The following KANSL3 variants were observed in gnomAD, a reference collection of about 807,000 sequenced individuals.
The protein encoded by KANSL3 is KAT8 regulatory NSL complex subunit 3, also known as NSL complex protein NSL3.
Under a neutral mutation model 89.2 loss-of-function variants are expected in KANSL3, and 16 were observed. The observed-to-expected ratio is 0.18, with a 90% confidence interval of 0.12 to 0.27. The LOEUF (loss-of-function observed/expected upper bound fraction) is 0.27. KANSL3 is among the 10% of genes least tolerant of loss of function. The probability of loss-of-function intolerance (pLI) is 1.00; values close to 1 mark genes in which losing one functional copy is unlikely to be tolerated. For missense variants in KANSL3, 879 were observed against 1,110.6 expected (o/e 0.79, Z 2.96); for synonymous variants, 385 against 419.7 (o/e 0.92, Z 1.01).
chr2:96,609,584 A>G lies in KANSL3; in HGVS notation c.1320-22T>C, dbSNP rs746862441. 1.0e-5 allele frequency: 16 copies of G among 1,596,314 alleles called. No homozygotes were observed. In the Admixed American group the frequency reaches 2.3e-4, roughly 23 times the overall value. ...TATTCTAAGAAACAAAAAGGATGAC[A>G]TGTTTACTTCTTACACATTGCACGG... On this transcript the variant is annotated intron_variant, in intron 11 of 20. Transcript: ENST00000431828.
intron 17 of KANSL3, chr2:96,603,186 T>C (rs2067435115): frequency 4.3e-6 from 1 of 232,014 alleles, no homozygotes; most frequent in Non-Finnish European, 8.4e-6. Context: ...AAAAGAATTA[T>C]AAATATCCAA....
intron 3 of KANSL3, among the ~76,000 whole-genome samples, chr2:96,623,304 T>C (rs997815722): frequency 6.6e-6 from 1 of 152,224 alleles, no homozygotes; most frequent in Non-Finnish European, 1.5e-5. Flanking sequence ...TCTTTCGCCA[T>C]ACCAAGACAG....
intron 12 of KANSL3, 127 bp from the exon 13 acceptor site, chr2:96,609,191 A>G: frequency 1.1e-6 from 1 of 884,580 alleles, no homozygotes; most frequent in South Asian, 1.7e-5. Context: ...GTCCTTCCCC[A>G]CTCAAACAAG....
the KANSL3 span, among the ~76,000 whole-genome samples, chr2:96,585,447 G>C: frequency 6.6e-6 from 1 of 152,096 alleles, no homozygotes; most frequent in Non-Finnish European, 1.5e-5. Context: ...CTGCGAGAAT[G>C]GCCATAACTA....
chr2:96,586,597 A>C, the KANSL3 span, among the ~76,000 whole-genome samples: 1 of 152,048 alleles, frequency 6.6e-6, no homozygotes, highest in South Asian at 2.1e-4. Flanking sequence ...TTTTTATTTC[A>C]TTTTCCTTTC....
At chr2:96,623,477 G>A (rs2071695943) in intron 3 of KANSL3, among the ~76,000 whole-genome samples, 2 of 152,174 alleles carry the variant, frequency 1.3e-5, no homozygotes, top group South Asian at 2.1e-4. Flanking sequence ...GTATGCAGAT[G>A]GAGGACAAAT....
chr2:96,615,165 CAAA>C (rs35960339), intron 5 of KANSL3: 28,030 of 83,292 alleles, frequency 0.34, 2,601 homozygotes, highest in Middle Eastern at 0.36. Flanking sequence ...GAGACTGTCT[CAAA>C]AAAAAAAAAA....
chr2:96,631,409 G>A lies in KANSL3; in HGVS notation c.289C>T (p.Arg97Cys), dbSNP rs752272979. 10 of 1,604,598 alleles carry A rather than the reference G, an allele frequency of 6.2e-6. No individual in the cohort carries two copies. In the African/African-American group the frequency reaches 1.1e-4, roughly 17 times the overall value. ...CGTTCACACTCATTCATCACGCTGC[G>A]TGCCTTCTGATTGTCATAGAGTGGC... The part of the protein sequence containing the change: ...PMPLYDNQKA[R>C]SVMNECERHV... Residue 97 changes from arginine (R) to cysteine (C), a missense_variant, in exon 3 of 21, where the codon CGC (arginine) becomes TGC (cysteine). By Grantham distance (180) the Arg-to-Cys change is radical. This residue lies in a region of KANSL3 where 210 missense variants were observed against 311.9 expected (regional missense o/e 0.67). Transcript: ENST00000431828.
chr2:96,634,585 C>G (rs1261107218), intron 2 of KANSL3, among the ~76,000 whole-genome samples: 1 of 152,052 alleles, frequency 6.6e-6, no homozygotes, highest in African/African-American at 2.4e-5. Flanking sequence ...TGATACATTG[C>G]ACCAACTTTG....
intron 14 of KANSL3, chr2:96,605,795 T>C (rs1377691987): frequency 1.8e-5 from 4 of 227,120 alleles, no homozygotes; most frequent in Admixed American, 5.1e-5. Context: ...TTGGTAGGAA[T>C]TAAAAGACAG....
At position 96,631,407 on chromosome 2, in the gene KANSL3, G is replaced by C. The variant is rs754569639; in HGVS notation, c.291C>G (p.Arg97=). 6.2e-7 allele frequency: 1 copy of C among 1,605,782 alleles called. No homozygotes were observed. Among genetic ancestry groups the C allele is most frequent in the Non-Finnish European group, 8.5e-7 (1 of 1,176,010 alleles). The part of the protein sequence containing the change: ...PMPLYDNQKA[R]SVMNECERHV... Reference sequence around the variant, plus strand: ...GCCGTTCACACTCATTCATCACGCTGCGTGCCTTCTGATTGTCATAGAGTG... The same window carrying C: ...GCCGTTCACACTCATTCATCACGCTCCGTGCCTTCTGATTGTCATAGAGTG... Residue 97 remains arginine (R), a synonymous_variant, in exon 3 of 21, where the codon CGC becomes CGG. Transcript: ENST00000431828.
chr2:96,613,498 T>G lies in KANSL3; in HGVS notation c.785A>C (p.His262Pro). 1 of 1,613,444 alleles carries G rather than the reference T, an allele frequency of 6.2e-7. No individual in the cohort carries two copies. The highest frequency in any genetic ancestry group is 8.5e-7 in the Non-Finnish European group (1 of 1,179,580). Residue 262 changes from histidine (H) to proline (P), a missense_variant, in exon 6 of 21, where the codon CAT becomes CCT. Physicochemically the swap from His to Pro is moderately conservative, Grantham distance 77 (BLOSUM62 -2). Transcript: ENST00000431828. ...AGCCATCCAACTTACTGGTTTGTTA[T>G]GAGAAAGCACACCCACAGCAGGGTC... ...PWDPAVGVLS[H>P]NKPSKLPGSP...
At chr2:96,602,713 T>A (rs368958204) in intron 18 of KANSL3, 40 bp downstream of exon 18, 4 of 1,510,738 alleles carry the variant, frequency 2.6e-6, no homozygotes, top group African/African-American at 2.8e-5. Context: ...GGAGGCCTCC[T>A]CCCTACACCT....
At chr2:96,605,985 G>C (rs2067923138) in intron 14 of KANSL3, 1 of 153,030 alleles carries the variant, frequency 6.5e-6, no homozygotes, top group Admixed American at 6.5e-5. Flanking sequence ...ACTCATGGAG[G>C]AGCAGGTCAT....
chr2:96,581,248 AC>A, the KANSL3 span, among the ~76,000 whole-genome samples: 1 of 152,168 alleles, frequency 6.6e-6, no homozygotes, highest in African/African-American at 2.4e-5. Flanking sequence ...ACATGGTGAA[AC>A]CCCATCTCTA....
At chr2:96,631,075 C>A (rs1558778930) in intron 3 of KANSL3, among the ~76,000 whole-genome samples, 1 of 152,164 alleles carries the variant, frequency 6.6e-6, no homozygotes, top group Non-Finnish European at 1.5e-5. Context: ...ACATTATATG[C>A]CTACTGTGTG....
rs148268166 is a variant in KANSL3, at chr2:96,593,581, T to G, written c.*2030A>C. The G allele has an allele frequency of 3.7e-3, 1,167 of 317,270 alleles. 3 individuals are homozygous for G. The highest frequency in any genetic ancestry group is 5.1e-3 in the Admixed American group (129 of 25,098). The allele number at this position is 317,270 out of a possible 1,614,324, so 19.7% of individuals were successfully genotyped here. A position where few individuals can be genotyped will look rare whatever the true frequency, so the allele number is the denominator to read the frequency against. On this transcript the variant is annotated 3_prime_UTR_variant, in exon 21 of 21. Transcript: ENST00000431828. ...TCCACGTTCTCACAGCTCCCCTTCT[T>G]CAGTTGTGGAGTTCTTCAAGGTGGA...
intron 2 of KANSL3, 144 bp from the exon 3 acceptor site, chr2:96,631,626 C>A: frequency 1.0e-6 from 1 of 952,722 alleles, no homozygotes; most frequent in Non-Finnish European, 1.6e-6. Context: ...AATTTTGATC[C>A]AAAGTCATCT....
chr2:96,599,345 G>A (rs2066866848), intron 20 of KANSL3, among the ~76,000 whole-genome samples: 1 of 152,222 alleles, frequency 6.6e-6, no homozygotes, highest in Non-Finnish European at 1.5e-5. Context: ...TGGTGGTGAT[G>A]GCTGTACCAC....
Sources: gnomAD v4.1 joint callset for allele counts (sites outside exome capture counted in the v4.1 genomes callset) on GRCh38, gnomAD v4.1.1 for gene constraint, gnomAD v4.1.1 regional missense constraint, MANE v1.5 for transcripts, NCBI Gene and HGNC (gene_info 2026-07-23, HGNC 2026-07-21) for gene names.